Variants in G3BP2 observed in about 807,000 individuals in gnomAD.
G3BP2 encodes ras GTPase-activating protein-binding protein 2.
Under a neutral mutation model 56.7 loss-of-function variants are expected in G3BP2, and 11 were observed. That is an observed-to-expected ratio of 0.19 (90% CI 0.12 to 0.32). The LOEUF (loss-of-function observed/expected upper bound fraction) is 0.32. Ranked by LOEUF, G3BP2 falls within the 10% of genes least tolerant of loss-of-function variation. G3BP2 has a pLI of 1.00. For synonymous variants in G3BP2, 165 were observed against 191.6 expected, an observed-to-expected ratio of 0.86 and a Z score of 1.15; for missense variants, 340 against 610.9, an observed-to-expected ratio of 0.56 and a Z score of 4.67.
At chr4:75,653,512 G>A (rs866257303) in intron 8 of G3BP2, among the ~76,000 whole-genome samples, 1 of 147,268 alleles carries the variant, frequency 6.8e-6, no homozygotes, top group African/African-American at 2.5e-5. Context: ...CTTCAATTAA[G>A]TGGTGTGAAC....
chr4:75,698,225 G>A (rs568092525), intron 3 of G3BP2, among the ~76,000 whole-genome samples: 2 of 152,268 alleles, frequency 1.3e-5, no homozygotes, highest in East Asian at 3.9e-4. Context: ...AGACAAGAGT[G>A]TTAATGTTAG....
chr4:75,660,419 T>C (rs1371696461), intron 2 of G3BP2, among the ~76,000 whole-genome samples: 1 of 152,168 alleles, frequency 6.6e-6, no homozygotes, highest in African/African-American at 2.4e-5. Context: ...TTGGGGACAC[T>C]ACTCAAAACT....
At chr4:75,668,911 C>T (rs1163458398) in intron 1 of G3BP2, among the ~76,000 whole-genome samples, 2 of 152,182 alleles carry the variant, frequency 1.3e-5, no homozygotes, top group Non-Finnish European at 2.9e-5. Context: ...CCCTAAATTA[C>T]TAACTGTACA....
chr4:75,668,714 A>G (rs1044211765), intron 1 of G3BP2, among the ~76,000 whole-genome samples: 2 of 152,162 alleles, frequency 1.3e-5, no homozygotes, highest in African/African-American at 2.4e-5. Flanking sequence ...TTCTCCTCCA[A>G]TACTCATCTC....
At chr4:75,659,781 G>A (rs759934120) in intron 2 of G3BP2, among the ~76,000 whole-genome samples, 9 of 152,108 alleles carry the variant, frequency 5.9e-5, no homozygotes, top group Non-Finnish European at 1.3e-4. Context: ...CCTATCAAGT[G>A]GGGCACCCAA....
At chr4:75,708,059 T>G (rs769707089) in intron 3 of G3BP2, among the ~76,000 whole-genome samples, 2 of 152,158 alleles carry the variant, frequency 1.3e-5, no homozygotes, top group Non-Finnish European at 2.9e-5. Context: ...TGTGCTGAAA[T>G]GGTTGCCCTC....
At chr4:75,713,703 C>T (rs560857425) in intron 3 of G3BP2, among the ~76,000 whole-genome samples, 1 of 152,268 alleles carries the variant, frequency 6.6e-6, no homozygotes, top group South Asian at 2.1e-4. Flanking sequence ...GCAGGAGGAT[C>T]CCTTGAGCCC....
intron 8 of G3BP2, among the ~76,000 whole-genome samples, chr4:75,653,599 A>AC (rs1560613881): frequency 6.6e-6 from 1 of 150,960 alleles, no homozygotes; most frequent in Non-Finnish European, 1.5e-5. Flanking sequence ...TAAAAAAAAA[A>AC]AAAAAAACAA....
chr4:75,647,792 GT>G (rs1731342989), intron 9 of G3BP2, among the ~76,000 whole-genome samples: 1 of 152,192 alleles, frequency 6.6e-6, no homozygotes, highest in South Asian at 2.1e-4. Flanking sequence ...AGGACTTCTA[GT>G]TTGGTAACAT....
At chr4:75,647,618 T>C (rs560463496) in intron 9 of G3BP2, among the ~76,000 whole-genome samples, 90 of 152,338 alleles carry the variant, frequency 5.9e-4, no homozygotes, top group African/African-American at 2.1e-3. Flanking sequence ...TAAGTGTGTA[T>C]GTATATAGAT....
intron 1 of G3BP2, 64 bp downstream of exon 1, chr4:75,673,144 A>C: frequency 8.0e-6 from 9 of 1,120,530 alleles, no homozygotes; most frequent in African/African-American, 1.6e-5. Flanking sequence ...CGCGCCGCGG[A>C]GCGCGAATGG....
At chr4:75,721,827 T>A (rs548792053) in intron 2 of G3BP2, among the ~76,000 whole-genome samples, 1 of 152,218 alleles carries the variant, frequency 6.6e-6, no homozygotes, top group South Asian at 2.1e-4. Flanking sequence ...ATTTTGTTCG[T>A]TGATCTATTG....
chr4:75,656,539 G>A (rs1056857729), intron 5 of G3BP2, among the ~76,000 whole-genome samples: 3 of 151,670 alleles, frequency 2.0e-5, no homozygotes, highest in South Asian at 2.1e-4. Context: ...AAATAATTAC[G>A]GCATAGCCAC....
At chr4:75,663,846 G>A (rs943440631) in intron 1 of G3BP2, among the ~76,000 whole-genome samples, 12 of 2,710 alleles carry the variant, frequency 4.4e-3, no homozygotes, top group African/African-American at 0.014. Context: ...GCGACAGAGC[G>A]AGACTCGTCT....
intron 8 of G3BP2, among the ~76,000 whole-genome samples, chr4:75,652,781 C>T (rs1034563072): frequency 6.6e-6 from 1 of 152,176 alleles, no homozygotes; most frequent in African/African-American, 2.4e-5. Context: ...AGTACCCACC[C>T]TGACAGGGTG....
rs1733158052 is a variant in G3BP2 at position 75,667,645 on chromosome 4, CT to C, written c.-25+5562del. ...AGTGGCTCATGCCTACTTCCCAGCA[CT>C]TTGGGAGGCAATGGCAGGAGGATCA... On this transcript the variant is annotated intron_variant, in intron 1 of 11. Transcript: ENST00000359707. 2.0e-5 allele frequency among the ~76,000 whole-genome samples: 3 copies of C among 152,136 alleles called. No individual in the cohort carries two copies. The South Asian group carries it at 6.2e-4, about 31-fold the overall frequency.
rs1560610151 is a variant in G3BP2, at chr4:75,648,635, T to G, written c.928+4A>C. 1 of 1,494,374 alleles carries G rather than the reference T, an allele frequency of 6.7e-7. No homozygotes were observed. Among genetic ancestry groups the G allele is most frequent in the Admixed American group, 1.7e-5 (1 of 59,590 alleles). The allele number at this position is 1,494,374 out of a possible 1,614,324, so 92.6% of individuals were successfully genotyped here. On this transcript the variant is annotated splice_donor_region_variant and intron_variant, in intron 9 of 11. Transcript: ENST00000359707. Reference sequence around the variant, plus strand: ...TGCTAAAGGCTATAAAGGAGCTGACTCACCTGGTCTTGGTCCTCTAGGAGG... The same window carrying G: ...TGCTAAAGGCTATAAAGGAGCTGACGCACCTGGTCTTGGTCCTCTAGGAGG...
At chr4:75,673,085 T>G (rs1733630124) in intron 1 of G3BP2, 123 bp downstream of exon 1, 2 of 1,030,606 alleles carry the variant, frequency 1.9e-6, no homozygotes, top group African/African-American at 1.7e-5. Flanking sequence ...GAACAATGTC[T>G]CTGCCGCTAC....
At chr4:75,646,840 C>T (rs1308934761) in intron 10 of G3BP2, among the ~76,000 whole-genome samples, 189 bp downstream of exon 10, 1 of 152,174 alleles carries the variant, frequency 6.6e-6, no homozygotes, top group African/African-American at 2.4e-5. Flanking sequence ...CAAATCAACA[C>T]TAAGCAGTCA....
Sources: allele counts gnomAD v4.1 joint callset (sites outside exome capture counted in the v4.1 genomes callset), GRCh38; gene constraint gnomAD v4.1.1; transcripts MANE v1.5; gene names NCBI Gene and HGNC (gene_info 2026-07-23, HGNC 2026-07-21).